The following HIVEP3 variants were observed in gnomAD, a reference collection of about 807,000 sequenced individuals.
HIVEP3 encodes the protein transcription factor HIVEP3.
HIVEP3 carries 49 observed loss-of-function variants against 152.8 expected under a neutral mutation model. That is an observed-to-expected ratio of 0.32 (90% CI 0.26 to 0.41). The LOEUF (loss-of-function observed/expected upper bound fraction) is 0.41. Among genes scored for constraint, HIVEP3 ranks in the 10% least tolerant of loss-of-function variants. The pLI is 1.00. For synonymous variants in HIVEP3, 1,269 were observed against 1,289.0 expected (o/e 0.98, Z 0.33); for missense variants, 2,790 against 3,103.3 (o/e 0.90, Z 2.40).
chr1:41,893,698 ATG>A (rs1231789649), intron 1 of HIVEP3, among the ~76,000 whole-genome samples: 1 of 150,606 alleles, frequency 6.6e-6, no homozygotes, highest in Non-Finnish European at 1.5e-5. Flanking sequence ...GTTTATATAT[ATG>A]TGTGTGTGTA....
chr1:41,638,789 G>GT (rs908876201), intron 2 of HIVEP3, among the ~76,000 whole-genome samples: 2 of 152,220 alleles, frequency 1.3e-5, no homozygotes, highest in African/African-American at 4.8e-5. Flanking sequence ...CCAGCAGCTG[G>GT]TAGGGGCCGC....
At chr1:41,643,824 G>A (rs1329396491) in intron 2 of HIVEP3, among the ~76,000 whole-genome samples, 1 of 150,082 alleles carries the variant, frequency 6.7e-6, no homozygotes, top group East Asian at 2.0e-4. Context: ...GACCTTCCAT[G>A]TTGTTACCTT....
intron 1 of HIVEP3, among the ~76,000 whole-genome samples, chr1:41,742,872 C>T (rs894619455): frequency 1.3e-5 from 2 of 152,222 alleles, no homozygotes; most frequent in Admixed American, 1.3e-4. Flanking sequence ...AGTGCAGTCT[C>T]TAAAGCTGGG....
At chr1:41,898,024 C>T (rs1426819300) in intron 1 of HIVEP3, among the ~76,000 whole-genome samples, 1 of 149,724 alleles carries the variant, frequency 6.7e-6, no homozygotes, top group Non-Finnish European at 1.5e-5. Flanking sequence ...AAAGGGCAGA[C>T]CAGAGCCTCA....
chr1:41,591,156 C>T (rs1644581933), intron 3 of HIVEP3, among the ~76,000 whole-genome samples: 1 of 152,178 alleles, frequency 6.6e-6, no homozygotes, highest in South Asian at 2.1e-4. Context: ...AGATTCCAGT[C>T]CTGGCTCTGC....
chr1:41,527,581 C>G (rs181305470), intron 5 of HIVEP3, among the ~76,000 whole-genome samples: 1 of 142,962 alleles, frequency 7.0e-6, no homozygotes, highest in Non-Finnish European at 1.5e-5. Context: ...ACTCCACACT[C>G]AAGCACTCAC....
chr1:41,982,624 TG>T (rs1393914942), intron 1 of HIVEP3, among the ~76,000 whole-genome samples: 2 of 152,216 alleles, frequency 1.3e-5, no homozygotes, highest in Non-Finnish European at 2.9e-5. Flanking sequence ...AATGTCAGCC[TG>T]GGGGAATTAA....
At chr1:41,684,158 C>T (rs957354193) in intron 2 of HIVEP3, among the ~76,000 whole-genome samples, 4 of 152,236 alleles carry the variant, frequency 2.6e-5, no homozygotes, top group Admixed American at 1.3e-4. Flanking sequence ...GACAGGGGTG[C>T]GGGAGGACCC....
chr1:41,743,476 A>T (rs910569003), intron 1 of HIVEP3, among the ~76,000 whole-genome samples: 7 of 152,248 alleles, frequency 4.6e-5, no homozygotes, highest in African/African-American at 1.7e-4. Context: ...ATGACTGGTG[A>T]GTAGCTGTTT....
At chr1:41,678,026 G>T (rs1193121916) in intron 2 of HIVEP3, among the ~76,000 whole-genome samples, 1 of 152,210 alleles carries the variant, frequency 6.6e-6, no homozygotes, top group Non-Finnish European at 1.5e-5. Flanking sequence ...TGTCTGAGAG[G>T]TTGGCCCATT....
chr1:41,803,701 T>C (rs1402244914), intron 1 of HIVEP3, among the ~76,000 whole-genome samples: 2 of 152,214 alleles, frequency 1.3e-5, no homozygotes, highest in African/African-American at 4.8e-5. Context: ...AAGAACAGTG[T>C]TCCTTGCCTG....
At chr1:41,625,162 C>CAA (rs59268661) in intron 3 of HIVEP3, among the ~76,000 whole-genome samples, 33 of 71,278 alleles carry the variant, frequency 4.6e-4, no homozygotes, top group Non-Finnish European at 5.5e-4. Context: ...GATTCCAACT[C>CAA]AAAAAAAAAA....
intron 1 of HIVEP3, among the ~76,000 whole-genome samples, chr1:41,807,705 G>A (rs902378691): frequency 6.6e-6 from 1 of 152,208 alleles, no homozygotes; most frequent in Admixed American, 6.5e-5. Context: ...AAGGGCCAAT[G>A]CTGTTGGGTG....
rs187355591 is a variant in HIVEP3 at position 41,610,914 on chromosome 1, A to G, written c.-522+17835T>C. On this transcript the variant is annotated intron_variant, in intron 3 of 8. Coordinates refer to ENST00000372583, the MANE Select transcript of HIVEP3 (RefSeq NM_024503.5). Reference sequence around the variant, plus strand: ...TTGCCCTGAGACCCCCCAAGCTCCCACTCTGTGCTCCCTGAACAAGACGAT... The same window carrying G: ...TTGCCCTGAGACCCCCCAAGCTCCCGCTCTGTGCTCCCTGAACAAGACGAT... 2.0e-5 allele frequency among the ~76,000 whole-genome samples: 3 copies of G among 152,156 alleles called. No homozygotes were observed. In the East Asian group the frequency reaches 5.8e-4, roughly 29 times the overall value.
Position 41,581,456 on chromosome 1 carries a change from A to G in HIVEP3, c.3342T>C (p.Thr1114=). The change falls in exon 4 of 9, where the codon ACT becomes ACC. Residue 1114 remains threonine, a synonymous_variant. Coordinates refer to ENST00000372583, the MANE Select transcript of HIVEP3 (RefSeq NM_024503.5). This position sits in a 1 kb window ranked among gnomAD's most constrained non-coding sequence, Gnocchi z 4.5. ...CTTGCAGTGCTTCTGTGTAGGGCACAGTGGGCCCCAATGGGGGCCTGTCCT... is the reference window on the plus strand; with the variant it reads ...CTTGCAGTGCTTCTGTGTAGGGCACGGTGGGCCCCAATGGGGGCCTGTCCT... The part of the protein sequence containing the change: ...PGQDRPPLGP[T]VPYTEALQVF... 6.3e-7 allele frequency: 1 copy of G among 1,577,760 alleles called. No individual in the cohort carries two copies. The highest frequency in any genetic ancestry group is 8.6e-7 in the Non-Finnish European group (1 of 1,162,898).
intron 1 of HIVEP3, among the ~76,000 whole-genome samples, chr1:41,825,473 G>T (rs562991021): frequency 6.6e-6 from 1 of 152,184 alleles, no homozygotes; most frequent in African/African-American, 2.4e-5. Context: ...GGTTTCTACT[G>T]TTGGCCAGGC....
rs116301220 is a variant in HIVEP3, at chr1:41,902,077, C to A, written c.-801+16336G>T. 2.7e-3 allele frequency among the ~76,000 whole-genome samples: 407 copies of A among 152,024 alleles called. 2 individuals are homozygous for A. Among genetic ancestry groups the A allele is most frequent in the African/African-American group, 9.1e-3 (376 of 41,462 alleles). On this transcript the variant is annotated intron_variant, in intron 1 of 8. Coordinates refer to ENST00000372583, the MANE Select transcript of HIVEP3 (RefSeq NM_024503.5). ...AGCTGCAAAGCCCAGAAACTACCCA[C>A]AAGAATGAGCCAGTGGTGAGGAGGA... is the stretch of plus-strand genomic sequence containing the variant.
At chr1:41,526,920 C>T (rs543750544) in intron 5 of HIVEP3, among the ~76,000 whole-genome samples, 2 of 147,244 alleles carry the variant, frequency 1.4e-5, no homozygotes, top group Non-Finnish European at 3.0e-5. Context: ...TCTCCACACA[C>T]ACCCTCACAT....
At chr1:41,613,151 A>G (rs1337273335) in intron 3 of HIVEP3, among the ~76,000 whole-genome samples, 1 of 152,194 alleles carries the variant, frequency 6.6e-6, no homozygotes, top group Non-Finnish European at 1.5e-5. Flanking sequence ...CATTCCCAAG[A>G]GCTCCAAACC....
Sources: gnomAD v4.1 joint callset for allele counts (sites outside exome capture counted in the v4.1 genomes callset) on GRCh38, gnomAD v4.1.1 for gene constraint, Gnocchi (gnomAD v3.1) non-coding constraint, MANE v1.5 for transcripts, NCBI Gene and HGNC (gene_info 2026-07-23, HGNC 2026-07-21) for gene names.